The following GMPR variants were observed in gnomAD, a reference collection of about 807,000 sequenced individuals.
GMPR encodes guanosine monophosphate reductase.
In GMPR, 31 loss-of-function variants were observed where a neutral mutation model predicts 38.4. The ratio of observed to expected loss-of-function variants is 0.81; its 90% CI spans 0.61 to 1.09. GMPR has a LOEUF of 1.09. GMPR is among the 50% of genes least tolerant of loss of function. The pLI is 0.00. For synonymous variants in GMPR, 162 were observed against 173.3 expected, an observed-to-expected ratio of 0.93 and a Z score of 0.51; for missense variants, 468 against 453.7, an observed-to-expected ratio of 1.03 and a Z score of -0.29.
At chr6:16,252,075 A>T (rs145836830) in intron 3 of GMPR, among the ~76,000 whole-genome samples, 1 of 152,210 alleles carries the variant, frequency 6.6e-6, no homozygotes, top group African/African-American at 2.4e-5. Flanking sequence ...TTATGTGTGG[A>T]TTTTGATTAG....
At chr6:16,265,511 C>T (rs1051336474) in intron 4 of GMPR, among the ~76,000 whole-genome samples, 16 of 152,290 alleles carry the variant, frequency 1.1e-4, no homozygotes, top group African/African-American at 3.9e-4. Context: ...ACTTGGAGAA[C>T]TTTTCTGTCT....
rs184845826 is a variant in GMPR, at chr6:16,246,092, G to A, written c.88-750G>A. On this transcript the variant is annotated intron_variant, in intron 1 of 8. Transcript: ENST00000259727. The stretch of plus-strand genomic sequence containing the variant: ...GTGGGCAGACAGGCTGGCATCTGCC[G>A]TGGGTCAGAGAAGTAATTCGGACTC... 2.6e-4 allele frequency among the ~76,000 whole-genome samples: 40 copies of A among 152,340 alleles called. No homozygotes were observed. In the East Asian group the frequency reaches 4.2e-3, roughly 16 times the overall value.
intron 4 of GMPR, among the ~76,000 whole-genome samples, chr6:16,267,016 A>G (rs1759260637): frequency 6.6e-6 from 1 of 151,324 alleles, no homozygotes; most frequent in South Asian, 2.1e-4. Flanking sequence ...GCCACCTTTA[A>G]GAGCTGTAAC....
chr6:16,249,783 A>G (rs888261850), intron 2 of GMPR, among the ~76,000 whole-genome samples: 1 of 152,252 alleles, frequency 6.6e-6, no homozygotes, highest in Non-Finnish European at 1.5e-5. Context: ...CACCGGCAAG[A>G]TTTAATGGAT....
At chr6:16,260,153 C>G (rs1429140879) in intron 4 of GMPR, among the ~76,000 whole-genome samples, 5 of 151,976 alleles carry the variant, frequency 3.3e-5, no homozygotes, top group Non-Finnish European at 5.9e-5. Context: ...AAAGTATTGT[C>G]CAGTCCTTTT....
intron 6 of GMPR, among the ~76,000 whole-genome samples, chr6:16,285,017 C>CAAAAAAAAAAAAAAAA (rs1230598044): frequency 2.9e-5 from 1 of 35,084 alleles, no homozygotes. Context: ...GAGACTGTCT[C>CAAAAAAAAAAAAAAAA]AAAAAAAAAA....
rs143804456 is a variant in GMPR at position 16,287,862 on chromosome 6, G to A, written c.697+2027G>A. Among the ~76,000 whole-genome samples, 48 of 152,298 alleles carry A rather than the reference G, an allele frequency of 3.2e-4. 1 individual carries two copies. Among genetic ancestry groups the A allele is most frequent in the African/African-American group, 9.9e-4 (41 of 41,550 alleles). On this transcript the variant is annotated intron_variant, in intron 7 of 8. Transcript: ENST00000259727. The stretch of plus-strand genomic sequence containing the variant: ...GCTCGCCTTTCTGTCATGCTGAACT[G>A]TAACGCCAATGAAAACCTCAGAGTG...
At chr6:16,274,361 C>A in intron 4 of GMPR, 54 bp from the exon 5 acceptor site, 1 of 1,157,976 alleles carries the variant, frequency 8.6e-7, no homozygotes, top group Non-Finnish European at 1.3e-6. Flanking sequence ...GGTTCCTCAC[C>A]TTTATACCAG....
intron 4 of GMPR, among the ~76,000 whole-genome samples, chr6:16,265,368 A>G (rs1163810171): frequency 6.6e-6 from 1 of 152,218 alleles, no homozygotes; most frequent in Non-Finnish European, 1.5e-5. Context: ...ACCACTAGTG[A>G]GAGCTGGACC....
intron 2 of GMPR, among the ~76,000 whole-genome samples, chr6:16,248,615 G>A (rs555712012): frequency 1.2e-4 from 18 of 152,286 alleles, no homozygotes; most frequent in African/African-American, 3.8e-4. Flanking sequence ...ATGGAGTAGG[G>A]GTGGTCTGTC....
At chr6:16,279,322 CCTT>C (rs923284281) in intron 6 of GMPR, among the ~76,000 whole-genome samples, 1 of 152,156 alleles carries the variant, frequency 6.6e-6, no homozygotes, top group Non-Finnish European at 1.5e-5. Context: ...CTCTCTGTGA[CCTT>C]CTGCTGGTTC....
intron 3 of GMPR, among the ~76,000 whole-genome samples, chr6:16,252,471 G>GA (rs1758895308): frequency 6.6e-6 from 1 of 152,104 alleles, no homozygotes; most frequent in Non-Finnish European, 1.5e-5. Flanking sequence ...ATGTTGACCT[G>GA]AAATGATCCA....
intron 6 of GMPR, among the ~76,000 whole-genome samples, chr6:16,285,242 AG>A (rs1759657651): frequency 6.6e-6 from 1 of 152,224 alleles, no homozygotes; most frequent in Admixed American, 6.5e-5. Flanking sequence ...TTTGATTTTA[AG>A]GTAACTTTGT....
chr6:16,270,310 T>A (rs1759357548), intron 4 of GMPR, among the ~76,000 whole-genome samples: 2 of 152,192 alleles, frequency 1.3e-5, no homozygotes, highest in African/African-American at 4.8e-5. Flanking sequence ...CTCAGTGCTC[T>A]GGACAAGGGT....
intron 4 of GMPR, among the ~76,000 whole-genome samples, chr6:16,266,872 C>G (rs560621379): frequency 6.6e-6 from 1 of 151,740 alleles, no homozygotes; most frequent in Admixed American, 6.6e-5. Flanking sequence ...GACCACGAAC[C>G]GTCCGGGAGG....
chr6:16,275,519 T>A (rs1021966215), intron 5 of GMPR, among the ~76,000 whole-genome samples: 5 of 152,170 alleles, frequency 3.3e-5, no homozygotes, highest in African/African-American at 1.2e-4. Flanking sequence ...AAGGTTAAGT[T>A]TTTCATATTG....
Position 16,284,234 on chromosome 6 carries a change from G to T in GMPR, c.655-1559G>T, listed in dbSNP as rs558337724. Among the ~76,000 whole-genome samples, 4 of 152,328 alleles carry T rather than the reference G, an allele frequency of 2.6e-5. No homozygotes were observed. In the South Asian group the frequency reaches 8.3e-4, roughly 32 times the overall value. Reference sequence around the variant, plus strand: ...TTTTGATCAGAGCTGCAAAGAAGTAGTGAAATAGTATTGGAGTTCTAGCTC... The same window carrying T: ...TTTTGATCAGAGCTGCAAAGAAGTATTGAAATAGTATTGGAGTTCTAGCTC... On this transcript the variant is annotated intron_variant, in intron 6 of 8. Coordinates refer to ENST00000259727, the MANE Select transcript of GMPR (RefSeq NM_006877.4).
chr6:16,259,460 A>C (rs1171800661), intron 4 of GMPR: 1 of 151,978 alleles, frequency 6.6e-6, no homozygotes, highest in Non-Finnish European at 1.5e-5. Context: ...AGAAAAATAA[A>C]ACAAAATAGT....
Position 16,270,638 on chromosome 6 carries a change from T to G in GMPR, c.466-3777T>G, listed in dbSNP as rs189312785. Reference sequence around the variant, plus strand: ...TTCCTCTTTTCCCTTATTTTGCCCTTCTTGATTTCAAACTTGAATTGACAG... The same window carrying G: ...TTCCTCTTTTCCCTTATTTTGCCCTGCTTGATTTCAAACTTGAATTGACAG... On this transcript the variant is annotated intron_variant, in intron 4 of 8. Coordinates refer to ENST00000259727, the MANE Select transcript of GMPR (RefSeq NM_006877.4). Among the ~76,000 whole-genome samples the G allele has an allele frequency of 9.4e-4, 143 of 152,326 alleles. 1 individual carries two copies. The highest frequency in any genetic ancestry group is 9.8e-4 in the Non-Finnish European group (67 of 68,026).
Sources: gnomAD v4.1 joint callset for allele counts (sites outside exome capture counted in the v4.1 genomes callset) on GRCh38, gnomAD v4.1.1 for gene constraint, MANE v1.5 for transcripts, NCBI Gene and HGNC (gene_info 2026-07-23, HGNC 2026-07-21) for gene names.